MIA2: variants seen among roughly 807,000 people sequenced by gnomAD.
MIA2 encodes the protein melanoma inhibitory activity protein 2.
MIA2 carries 127 observed loss-of-function variants against 167.8 expected under a neutral mutation model. The ratio of observed to expected loss-of-function variants is 0.76; its 90% confidence interval spans 0.66 to 0.88. The LOEUF is 0.88. Ranked by LOEUF, MIA2 falls within the 40% of genes least tolerant of loss-of-function variation. The pLI, the probability that MIA2 is intolerant of heterozygous loss-of-function variation, is 0.00. For missense variants in MIA2, 1,690 were observed against 1,624.7 expected (o/e 1.04, Z -0.69); for synonymous variants, 552 against 541.9 (o/e 1.02, Z -0.26).
chr14:39,359,493 C>T (rs532850490), intron 23 of MIA2, among the ~76,000 whole-genome samples: 6 of 152,186 alleles, frequency 3.9e-5, no homozygotes, highest in Non-Finnish European at 5.9e-5. Flanking sequence ...TGACTCCTTG[C>T]GCTTCCCAGG....
intron 18 of MIA2, among the ~76,000 whole-genome samples, chr14:39,309,177 A>G (rs972368035): frequency 2.6e-5 from 4 of 152,188 alleles, no homozygotes; most frequent in Non-Finnish European, 2.9e-5. Context: ...CCGGCTTATT[A>G]TAGTAGCCTT....
intron 3 of MIA2, among the ~76,000 whole-genome samples, chr14:39,244,236 G>A (rs1387741023): frequency 6.6e-6 from 1 of 152,222 alleles, no homozygotes; most frequent in African/African-American, 2.4e-5. Flanking sequence ...AGGGGTTCTG[G>A]TTTCTATGAC....
chr14:39,240,203 C>A (rs2053977326), intron 2 of MIA2, among the ~76,000 whole-genome samples: 1 of 152,176 alleles, frequency 6.6e-6, no homozygotes, highest in Non-Finnish European at 1.5e-5. Flanking sequence ...TTGGCTACCG[C>A]CGCCATTGCC....
At chr14:39,368,271 G>T (rs996890758) in intron 23 of MIA2, among the ~76,000 whole-genome samples, 1 of 152,198 alleles carries the variant, frequency 6.6e-6, no homozygotes, top group Non-Finnish European at 1.5e-5. Flanking sequence ...AATGGAGAGA[G>T]AGAAGGAAGA....
intron 2 of MIA2, chr14:39,237,269 A>AG (rs1409729929): frequency 1.7e-6 from 1 of 573,038 alleles, no homozygotes; most frequent in Non-Finnish European, 3.1e-6. Context: ...CTGGGACTAC[A>AG]GGTGTGTGTC....
At chr14:39,373,872 C>A (rs987103330) in intron 23 of MIA2, among the ~76,000 whole-genome samples, 3 of 151,594 alleles carry the variant, frequency 2.0e-5, no homozygotes, top group Non-Finnish European at 2.9e-5. Context: ...AGAAAAAAAA[C>A]AAACTCTGGC....
intron 23 of MIA2, among the ~76,000 whole-genome samples, chr14:39,384,784 G>A (rs552871324): frequency 1.1e-4 from 16 of 151,926 alleles, no homozygotes; most frequent in African/African-American, 2.9e-4. Flanking sequence ...ACATGTGCAC[G>A]CGCACACTCA....
chr14:39,286,757 A>G (rs756434526), intron 9 of MIA2, among the ~76,000 whole-genome samples: 15 of 144,320 alleles, frequency 1.0e-4, no homozygotes, highest in East Asian at 6.3e-4. Flanking sequence ...GCAGCAGTGC[A>G]ATCTCAGCTC....
chr14:39,238,814 C>CT (rs1449183845), intron 2 of MIA2, among the ~76,000 whole-genome samples: 2 of 30,986 alleles, frequency 6.5e-5, no homozygotes, highest in Non-Finnish European at 6.5e-5. Context: ...AAAAAAAACC[C>CT]AAAAAACAAA....
Position 39,310,647 on chromosome 14 carries a change from A to G in MIA2, c.3017+2060A>G, listed in dbSNP as rs573503682. 4.6e-5 allele frequency among the ~76,000 whole-genome samples: 7 copies of G among 152,288 alleles called. No homozygotes were observed. In the South Asian group the frequency reaches 1.5e-3, roughly 32 times the overall value. ...TTTACGATGTATAGTGACTTTATGG[A>G]ACAAAACTAGCACAAATAATGAGAA... On this transcript the variant is annotated intron_variant, in intron 18 of 28. Transcript: ENST00000640607.
At chr14:39,292,053 A>C (rs2060808124) in intron 10 of MIA2, among the ~76,000 whole-genome samples, 1 of 152,222 alleles carries the variant, frequency 6.6e-6, no homozygotes, top group South Asian at 2.1e-4. Context: ...GTAGAGTCCA[A>C]AGGAAGTTAT....
chr14:39,312,947 A>G (rs753082109), intron 18 of MIA2, among the ~76,000 whole-genome samples: 4 of 152,052 alleles, frequency 2.6e-5, no homozygotes, highest in Non-Finnish European at 5.9e-5. Context: ...TCACTAACCA[A>G]TATAAAAATT....
chr14:39,320,435 A>G (rs150595211), intron 23 of MIA2, among the ~76,000 whole-genome samples: 5 of 152,274 alleles, frequency 3.3e-5, no homozygotes, highest in African/African-American at 7.2e-5. Context: ...CTTGCTTCAG[A>G]GTATTTTATG....
chr14:39,274,768 C>T (rs2057699788), intron 6 of MIA2, among the ~76,000 whole-genome samples: 1 of 151,432 alleles, frequency 6.6e-6, no homozygotes, highest in East Asian at 2.0e-4. Context: ...CCAGATCTAA[C>T]CAGCTCAAGG....
At chr14:39,354,885 A>G (rs1212344292), downstream of MIA2, among the ~76,000 whole-genome samples, 1 of 151,944 alleles carries the variant, frequency 6.6e-6, no homozygotes, top group Non-Finnish European at 1.5e-5. Context: ...GTGTGGCATT[A>G]TTTCTGAGGG....
intron 27 of MIA2, among the ~76,000 whole-genome samples, chr14:39,348,091 G>T (rs527409956): frequency 3.9e-5 from 6 of 152,180 alleles, no homozygotes; most frequent in African/African-American, 4.8e-5. Context: ...GGTATTACAG[G>T]TGTGAGCTGC....
At position 39,347,787 on chromosome 14, in the gene MIA2, G is replaced by GTGGAAT. The variant is rs769610440; in HGVS notation, c.3837+19_3837+24dup. ...TGATCTTGGTGTAAGTATTGAAAGAGTGGAATTGTATGCATGTATTCAGAA... is the reference window on the plus strand; with the variant it reads ...TGATCTTGGTGTAAGTATTGAAAGAGTGGAATTGGAATTGTATGCATGTATTCAGAA... On this transcript the variant is annotated intron_variant, in intron 27 of 28. Transcript: ENST00000640607. 6.3e-5 allele frequency: 93 copies of GTGGAAT among 1,483,828 alleles called. No homozygotes were observed. Among genetic ancestry groups the GTGGAAT allele is most frequent in the Admixed American group, 5.9e-4 (35 of 58,908 alleles). 91.9% of individuals were successfully genotyped at this position (1,483,828 alleles called of 1,614,324 possible).
Position 39,298,530 on chromosome 14 carries a change from G to GTTTTT in MIA2, c.2497-1314_2497-1310dup, listed in dbSNP as rs764475842. Among the ~76,000 whole-genome samples the GTTTTT allele has an allele frequency of 1.1e-4, 3 of 26,180 alleles. No homozygotes were observed. The South Asian group carries it at 6.4e-3, about 56-fold the overall frequency. 17.2% of individuals were successfully genotyped at this position (26,180 alleles called of 152,430 possible). ...AATAATTACTGTTTGGTAGAACAGA[G>GTTTTT]TTTTTTTTTTTTTTTTTTTTTTTTG... On this transcript the variant is annotated intron_variant, in intron 13 of 28. Coordinates refer to ENST00000640607, the MANE Select transcript of MIA2 (RefSeq NM_001329214.4).
At chr14:39,281,659 C>T (rs1439022633) in intron 9 of MIA2, among the ~76,000 whole-genome samples, 2 of 150,146 alleles carry the variant, frequency 1.3e-5, no homozygotes, top group Non-Finnish European at 3.0e-5. Flanking sequence ...CCCTGTTGCC[C>T]AGGCTGGAGT....
Sources: gnomAD v4.1 joint callset for allele counts (sites outside exome capture counted in the v4.1 genomes callset) on GRCh38, gnomAD v4.1.1 for gene constraint, MANE v1.5 for transcripts, NCBI Gene and HGNC (gene_info 2026-07-23, HGNC 2026-07-21) for gene names.